The following ABCC5 variants were observed in gnomAD, a reference collection of about 807,000 sequenced individuals.
The protein encoded by ABCC5 is ATP binding cassette subfamily C member 5, also known as ATP-binding cassette sub-family C member 5.
A neutral mutation model predicts 160.9 loss-of-function variants in ABCC5; 61 were observed. The ratio of observed to expected loss-of-function variants is 0.38; its 90% CI spans 0.31 to 0.47. The LOEUF (loss-of-function observed/expected upper bound fraction) is 0.47, where lower values mean the gene tolerates loss of function less well. ABCC5 is among the 20% of genes least tolerant of loss of function. The pLI is 0.99. For missense variants in ABCC5, 1,308 were observed against 1,813.3 expected, an observed-to-expected ratio of 0.72 and a Z score of 5.06; for synonymous variants, 666 against 700.6, an observed-to-expected ratio of 0.95 and a Z score of 0.78.
intron 2 of ABCC5, among the ~76,000 whole-genome samples, chr3:183,999,748 C>G (rs189514541): frequency 7.8e-4 from 119 of 152,194 alleles, no homozygotes; most frequent in Admixed American, 1.7e-3. Flanking sequence ...CTCTGCACCC[C>G]AGCCTGGGTG....
intron 5 of ABCC5, 116 bp from the exon 6 acceptor site, chr3:183,983,123 C>A: frequency 1.0e-6 from 1 of 955,926 alleles, no homozygotes; most frequent in Non-Finnish European, 1.6e-6. Flanking sequence ...AGTGCGCAAG[C>A]AAAGCAAAAC....
intron 29 of ABCC5, among the ~76,000 whole-genome samples, chr3:183,923,138 C>T (rs994787420): frequency 6.0e-5 from 9 of 151,096 alleles, no homozygotes. Context: ...CTGTTTTTGC[C>T]TTTATGCTTT....
chr3:183,987,587 C>T lies in ABCC5; in HGVS notation c.591+183G>A. ...GCCAGTTCCATTTCTTCTCTGGCAA[C>T]ACTGCCCTTTCATCCTTCCAGCTGT... On this transcript the variant is annotated intron_variant, in intron 5 of 29. Transcript: ENST00000334444. This position sits in a 1 kb window ranked among gnomAD's most constrained non-coding sequence, Gnocchi z 4.2. 1 of 757,856 alleles carries T rather than the reference C, an allele frequency of 1.3e-6. No individual in the cohort carries two copies. 46.9% of individuals were successfully genotyped at this position (757,856 alleles called of 1,614,324 possible). A position where few individuals can be genotyped will look rare whatever the true frequency, so the allele number is the denominator to read the frequency against.
At chr3:184,003,695 A>T (rs1720939850) in intron 2 of ABCC5, among the ~76,000 whole-genome samples, 1 of 152,154 alleles carries the variant, frequency 6.6e-6, no homozygotes, top group African/African-American at 2.4e-5. Context: ...CTCCACCACC[A>T]CAGTAAAACA....
chr3:183,998,721 T>C (rs916049129), intron 2 of ABCC5, among the ~76,000 whole-genome samples: 1 of 151,910 alleles, frequency 6.6e-6, no homozygotes, highest in African/African-American at 2.4e-5. Context: ...AAACCATAAC[T>C]GTACAAAATG....
chr3:183,954,890 T>C (rs1484717032), intron 17 of ABCC5, among the ~76,000 whole-genome samples: 1 of 152,124 alleles, frequency 6.6e-6, no homozygotes, highest in Admixed American at 6.6e-5. Context: ...GGGTAATCAC[T>C]GGTTTGATCC....
At chr3:183,953,382 A>T in intron 17 of ABCC5, 112 bp from the exon 18 acceptor site, 1 of 882,340 alleles carries the variant, frequency 1.1e-6, no homozygotes, top group Non-Finnish European at 1.7e-6. Context: ...AGGGGTCTAG[A>T]TTAGATTTCC....
intron 5 of ABCC5, chr3:183,984,501 T>A (rs909928559): frequency 8.2e-6 from 9 of 1,095,028 alleles, no homozygotes; most frequent in South Asian, 2.7e-5. Context: ...CCAGACTCTC[T>A]CTGGGTTAAT....
chr3:183,984,192 C>T (rs549649606), intron 5 of ABCC5: 3 of 985,508 alleles, frequency 3.0e-6, no homozygotes, highest in East Asian at 1.1e-4. Flanking sequence ...TACCTCTGCT[C>T]GGGACAGAAT....
chr3:183,987,385 G>T lies in ABCC5; in HGVS notation c.591+385C>A. On this transcript the variant is annotated intron_variant, in intron 5 of 29. Transcript: ENST00000334444. The surrounding 1 kb of genome is among the most constrained non-coding windows in gnomAD (Gnocchi z 4.2). ...ATGTGATAACTGCCTCCAGGCACTT[G>T]GTATGTTCCCGGTGCTGGCTCACCA... 1 of 448,444 alleles carries T rather than the reference G, an allele frequency of 2.2e-6. No individual in the cohort carries two copies. Among genetic ancestry groups the T allele is most frequent in the East Asian group, 3.5e-5 (1 of 28,256 alleles). 27.8% of individuals were successfully genotyped at this position (448,444 alleles called of 1,614,324 possible). A position where few individuals can be genotyped will look rare whatever the true frequency, so the allele number is the denominator to read the frequency against.
chr3:183,993,513 C>A (rs1719973407), intron 2 of ABCC5, among the ~76,000 whole-genome samples: 3 of 145,170 alleles, frequency 2.1e-5, no homozygotes, highest in Admixed American at 6.8e-5. Context: ...AAGACAGGAA[C>A]TTCCAAATAC....
chr3:183,925,821 CTATT>C, intron 28 of ABCC5, 102 bp from the exon 29 acceptor site: 3 of 1,059,062 alleles, frequency 2.8e-6, no homozygotes, highest in Non-Finnish European at 3.9e-6. Flanking sequence ...TTTACACTAT[CTATT>C]GTTTTCTTTT....
intron 18 of ABCC5, among the ~76,000 whole-genome samples, chr3:183,952,467 G>A (rs140997484): frequency 1.4e-4 from 22 of 152,186 alleles, no homozygotes; most frequent in African/African-American, 5.1e-4. Context: ...CTATTCTAAT[G>A]TCATATGGTT....
At chr3:184,002,730 G>A (rs1720852192) in intron 2 of ABCC5, among the ~76,000 whole-genome samples, 1 of 152,160 alleles carries the variant, frequency 6.6e-6, no homozygotes, top group Non-Finnish European at 1.5e-5. Flanking sequence ...GAGGCCTCTG[G>A]GACAGATACC....
intron 18 of ABCC5, among the ~76,000 whole-genome samples, chr3:183,952,592 C>T (rs1331283246): frequency 1.3e-5 from 2 of 152,126 alleles, no homozygotes; most frequent in Admixed American, 1.3e-4. Context: ...CTATTCTTGT[C>T]GTGACAGTGA....
chr3:184,011,798 G>A (rs182779208), intron 2 of ABCC5, among the ~76,000 whole-genome samples: 7 of 152,168 alleles, frequency 4.6e-5, no homozygotes, highest in Admixed American at 6.5e-5. Context: ...AAGCAATCTC[G>A]AAAGGTTATA....
chr3:183,946,969 T>G (rs1316231988), intron 23 of ABCC5, among the ~76,000 whole-genome samples: 2 of 152,142 alleles, frequency 1.3e-5, no homozygotes, highest in African/African-American at 4.8e-5. Flanking sequence ...GTCTATAACA[T>G]TTCTTAGAAG....
intron 17 of ABCC5, among the ~76,000 whole-genome samples, chr3:183,956,535 A>G (rs35904466): frequency 9.6e-6 from 1 of 103,708 alleles, no homozygotes; most frequent in Non-Finnish European, 1.9e-5. Flanking sequence ...CATGCAGATC[A>G]GTGTGTATAT....
chr3:183,977,698 C>A, intron 9 of ABCC5, 74 bp from the exon 10 acceptor site: 1 of 1,020,760 alleles, frequency 9.8e-7, no homozygotes, highest in Non-Finnish European at 1.5e-6. Context: ...CCATGAATTT[C>A]CTCTCAGGCG....
Sources: allele counts gnomAD v4.1 joint callset (sites outside exome capture counted in the v4.1 genomes callset), GRCh38; gene constraint gnomAD v4.1.1; non-coding constraint Gnocchi (gnomAD v3.1); transcripts MANE v1.5; gene names NCBI Gene and HGNC (gene_info 2026-07-23, HGNC 2026-07-21).